Variants in MAGI3 observed in about 807,000 individuals in gnomAD.
MAGI3 encodes the protein membrane associated guanylate kinase, WW and PDZ domain containing 3, also known as membrane-associated guanylate kinase, WW and PDZ domain-containing protein 3.
A neutral mutation model predicts 121.8 loss-of-function variants in MAGI3; 43 were observed. The observed-to-expected ratio is 0.35, with a 90% CI of 0.28 to 0.46. The LOEUF is 0.46. Among genes scored for constraint, MAGI3 ranks in the 20% least tolerant of loss-of-function variants. MAGI3 has a pLI of 1.00. For synonymous variants in MAGI3, 553 were observed against 639.3 expected (o/e 0.86, Z 2.04); for missense variants, 1,547 against 1,797.3 (o/e 0.86, Z 2.52).
At chr1:113,410,463 G>A (rs76975167) in intron 1 of MAGI3, among the ~76,000 whole-genome samples, 3,558 of 151,866 alleles carry the variant, frequency 0.023, 73 homozygotes, top group Middle Eastern at 0.045. Context: ...GGCTGTGACC[G>A]TCCTAGACGT....
rs1413980920 is a variant in MAGI3 at position 113,422,448 on chromosome 1, T to C, written c.316+31099T>C. Among the ~76,000 whole-genome samples the C allele has an allele frequency of 3.3e-5, 5 of 152,242 alleles. No homozygotes were observed. Among genetic ancestry groups the C allele is most frequent in the Admixed American group, 2.0e-4 (3 of 15,292 alleles). On this transcript the variant is annotated intron_variant, in intron 1 of 20. Coordinates refer to ENST00000307546, the MANE Select transcript of MAGI3 (RefSeq NM_001142782.2). This position sits in a 1 kb window ranked among gnomAD's most constrained non-coding sequence, Gnocchi z 4.3. ...GGCCTGTCAGGCTGCGTTTGGCTCA[T>C]GATGCCTGCCCGGATCCCATACCTG...
intron 9 of MAGI3, among the ~76,000 whole-genome samples, chr1:113,628,858 C>G (rs1355915186): frequency 6.6e-6 from 1 of 152,022 alleles, no homozygotes; most frequent in African/African-American, 2.4e-5. Context: ...TTATCTTTGA[C>G]CTTTGGGAGT....
intron 6 of MAGI3, among the ~76,000 whole-genome samples, chr1:113,610,267 C>T (rs763853533): frequency 2.0e-5 from 3 of 151,774 alleles, no homozygotes; most frequent in Non-Finnish European, 4.4e-5. Context: ...CCCAACAAAG[C>T]GTTTTTTAAT....
chr1:113,449,339 T>C (rs1407642072), intron 1 of MAGI3, among the ~76,000 whole-genome samples: 1 of 147,202 alleles, frequency 6.8e-6, no homozygotes, highest in Admixed American at 6.9e-5. Context: ...AAATCCTTTA[T>C]AAGTGTTGCA....
intron 1 of MAGI3, among the ~76,000 whole-genome samples, chr1:113,497,003 G>C (rs893070375): frequency 2.0e-5 from 3 of 152,156 alleles, no homozygotes; most frequent in Admixed American, 2.0e-4. Flanking sequence ...CACACCTGTA[G>C]TCCCAGCACT....
intron 6 of MAGI3, among the ~76,000 whole-genome samples, chr1:113,603,510 C>T (rs888774371): frequency 2.6e-5 from 4 of 152,044 alleles, no homozygotes; most frequent in Non-Finnish European, 5.9e-5. Context: ...TCTATGAAGC[C>T]AGTATCACCC....
chr1:113,490,713 A>T (rs983447034), intron 1 of MAGI3, among the ~76,000 whole-genome samples: 1 of 152,232 alleles, frequency 6.6e-6, no homozygotes, highest in Non-Finnish European at 1.5e-5. Context: ...AGAAAAAAGC[A>T]GGGGTTGCAA....
At chr1:113,631,128 T>C (rs1174832332) in intron 9 of MAGI3, among the ~76,000 whole-genome samples, 1 of 152,170 alleles carries the variant, frequency 6.6e-6, no homozygotes, top group African/African-American at 2.4e-5. Context: ...ATGCAAATCC[T>C]GACAATCGCT....
At chr1:113,513,068 A>T (rs1307792235) in intron 1 of MAGI3, among the ~76,000 whole-genome samples, 1 of 152,196 alleles carries the variant, frequency 6.6e-6, no homozygotes. Flanking sequence ...CCACCTTACA[A>T]GGGACATGAA....
At chr1:113,550,791 A>G (rs987861489) in intron 2 of MAGI3, among the ~76,000 whole-genome samples, 2 of 150,894 alleles carry the variant, frequency 1.3e-5, no homozygotes, top group Non-Finnish European at 3.0e-5. Context: ...AAAAAAATAT[A>G]TATATATTTT....
chr1:113,589,480 G>T (rs1445246967), intron 4 of MAGI3, among the ~76,000 whole-genome samples: 2 of 151,984 alleles, frequency 1.3e-5, no homozygotes, highest in African/African-American at 4.8e-5. Context: ...TAAGGTTAGG[G>T]CAAAGGAATC....
At chr1:113,585,918 C>T (rs1648338429) in intron 4 of MAGI3, among the ~76,000 whole-genome samples, 1 of 152,118 alleles carries the variant, frequency 6.6e-6, no homozygotes, top group South Asian at 2.1e-4. Context: ...TCTTACTTTA[C>T]AGGATGTAAA....
chr1:113,422,368 G>A lies in MAGI3; in HGVS notation c.316+31019G>A, dbSNP rs1001561869. On this transcript the variant is annotated intron_variant, in intron 1 of 20. Coordinates refer to ENST00000307546, the MANE Select transcript of MAGI3 (RefSeq NM_001142782.2). The surrounding 1 kb of genome is among the most constrained non-coding windows in gnomAD (Gnocchi z 4.3). ...TTCACTAGCCGGAAACTTCTGTGCC[G>A]GTGGCACCTCTACTTGAGTTTTGCT... Among the ~76,000 whole-genome samples, 44 of 152,238 alleles carry A rather than the reference G, an allele frequency of 2.9e-4. No individual in the cohort carries two copies. Among genetic ancestry groups the A allele is most frequent in the Admixed American group, 6.5e-4 (10 of 15,288 alleles).
rs181264597 is a variant in MAGI3 at position 113,612,047 on chromosome 1, G to A, written c.1019-2554G>A. Among the ~76,000 whole-genome samples the A allele has an allele frequency of 1.9e-3, 293 of 151,858 alleles. 4 individuals carry two copies. Among genetic ancestry groups the A allele is most frequent in the East Asian group, 5.2e-3 (27 of 5,160 alleles). ...CAACCTCCACCTCCTGGGTTCAAGT[G>A]ATTCTCCTGCCTCAGCCTCCTGAGT... is the stretch of plus-strand genomic sequence containing the variant. On this transcript the variant is annotated intron_variant, in intron 6 of 20. Coordinates refer to ENST00000307546, the MANE Select transcript of MAGI3 (RefSeq NM_001142782.2).
intron 15 of MAGI3, 33 bp from the exon 16 acceptor site, chr1:113,659,047 T>G: frequency 6.6e-7 from 1 of 1,525,086 alleles, no homozygotes. Context: ...AAATCTTAAA[T>G]AATTGAAAAA....
At chr1:113,579,666 G>A (rs1249480803) in intron 2 of MAGI3, among the ~76,000 whole-genome samples, 1 of 152,110 alleles carries the variant, frequency 6.6e-6, no homozygotes, top group African/African-American at 2.4e-5. Context: ...CAACAATAAA[G>A]GTCCTAGATA....
intron 1 of MAGI3, among the ~76,000 whole-genome samples, chr1:113,454,396 A>G (rs1480032637): frequency 1.3e-5 from 2 of 152,090 alleles, no homozygotes; most frequent in Non-Finnish European, 2.9e-5. Context: ...TTTTAATTTC[A>G]CTTAGTAGCT....
chr1:113,660,957 A>C (rs1194031924), intron 16 of MAGI3, among the ~76,000 whole-genome samples: 1 of 151,966 alleles, frequency 6.6e-6, no homozygotes, highest in Non-Finnish European at 1.5e-5. Context: ...AACAAAGTAA[A>C]AGTTAGGAGA....
intron 1 of MAGI3, among the ~76,000 whole-genome samples, chr1:113,421,598 G>A (rs1038762185): frequency 5.3e-5 from 8 of 152,152 alleles, no homozygotes; most frequent in African/African-American, 1.9e-4. Context: ...ATTCATTCAT[G>A]AATTATTCCC....
Sources: allele counts gnomAD v4.1 joint callset (sites outside exome capture counted in the v4.1 genomes callset), GRCh38; gene constraint gnomAD v4.1.1; non-coding constraint Gnocchi (gnomAD v3.1); transcripts MANE v1.5; gene names NCBI Gene and HGNC (gene_info 2026-07-23, HGNC 2026-07-21).